RGS6: variants seen among roughly 807,000 people sequenced by gnomAD.
RGS6 encodes the protein regulator of G protein signaling 6.
In RGS6, 30 loss-of-function variants were observed where a neutral mutation model predicts 78.5. The observed-to-expected ratio is 0.38, with a 90% CI of 0.29 to 0.52. The LOEUF is 0.52. Ranked by LOEUF, RGS6 falls within the 20% of genes least tolerant of loss-of-function variation. The pLI is 0.85. For synonymous variants in RGS6, 206 were observed against 206.0 expected, an observed-to-expected ratio of 1.00 and a Z score of 0.00; for missense variants, 495 against 609.7, an observed-to-expected ratio of 0.81 and a Z score of 1.98.
chr14:71,989,509 G>T (rs1408047472), intron 2 of RGS6, among the ~76,000 whole-genome samples: 1 of 152,174 alleles, frequency 6.6e-6, no homozygotes, highest in Non-Finnish European at 1.5e-5. Context: ...TTTGTAAAAG[G>T]CCTGTGAAAA....
Position 72,465,550 on chromosome 14 carries a change from C to CTGGATGGATGGA in RGS6, c.395-168_395-157dup, listed in dbSNP as rs563552344. Among the ~76,000 whole-genome samples the CTGGATGGATGGA allele has an allele frequency of 2.2e-3, 242 of 110,356 alleles. 2 individuals are homozygous for CTGGATGGATGGA. Among genetic ancestry groups the CTGGATGGATGGA allele is most frequent in the African/African-American group, 4.3e-3 (115 of 26,616 alleles). 72.4% of individuals were successfully genotyped at this position (110,356 alleles called of 152,430 possible). A position where few individuals can be genotyped will look rare whatever the true frequency, so the allele number is the denominator to read the frequency against. ...TAGCAAGGGTGGGTGGGCGGGCTGT[C>CTGGATGGATGGA]TGGATGGATGGATGGATGGATGGAT... On this transcript the variant is annotated intron_variant, in intron 6 of 17. Transcript: ENST00000553525.
chr14:72,022,524 C>T (rs1200137146), intron 2 of RGS6: 2 of 152,166 alleles, frequency 1.3e-5, no homozygotes, highest in African/African-American at 4.8e-5. Context: ...GTTGCTATTA[C>T]AATTATGATT....
intron 2 of RGS6, among the ~76,000 whole-genome samples, chr14:72,055,278 C>T (rs999844401): frequency 5.3e-5 from 8 of 152,182 alleles, no homozygotes; most frequent in Non-Finnish European, 1.5e-5. Flanking sequence ...TATCAGTTCA[C>T]CTCTTCACCA....
At chr14:72,266,632 C>T (rs111421242) in intron 2 of RGS6, among the ~76,000 whole-genome samples, 1,705 of 152,322 alleles carry the variant, frequency 0.011, 38 homozygotes, top group African/African-American at 0.039. Flanking sequence ...AGAAAGTTTC[C>T]ATCTCTAACC....
At position 72,099,460 on chromosome 14, in the gene RGS6, A is replaced by ACAACGGTGACTTTTCAGGCCCTG. The variant is rs2095482795; in HGVS notation, c.84+134585_84+134586insCAACGGTGACTTTTCAGGCCCTG. Among the ~76,000 whole-genome samples, 5 of 152,218 alleles carry ACAACGGTGACTTTTCAGGCCCTG rather than the reference A, an allele frequency of 3.3e-5. 1 individual carries two copies. In the South Asian group the frequency reaches 1.0e-3, roughly 32 times the overall value. ...AGGCATGAGCCACCGCACCCTGCCT[A>ACAACGGTGACTTTTCAGGCCCTG]GAAGCAGCTTTAATACCAGGTCACA... On this transcript the variant is annotated intron_variant, in intron 2 of 17. Coordinates refer to ENST00000553525, the MANE Select transcript of RGS6 (RefSeq NM_001204424.2).
intron 7 of RGS6, among the ~76,000 whole-genome samples, chr14:72,469,204 G>A (rs538927184): frequency 7.3e-6 from 1 of 137,346 alleles, no homozygotes; most frequent in African/African-American, 2.7e-5. Context: ...TCCGTTTGGG[G>A]CACTTTTTTT....
chr14:72,136,796 C>T (rs1292854297), intron 2 of RGS6, among the ~76,000 whole-genome samples: 1 of 152,120 alleles, frequency 6.6e-6, no homozygotes, highest in Non-Finnish European at 1.5e-5. Flanking sequence ...GGTCTTTGAA[C>T]CTGTTTTGCT....
At chr14:71,927,447 A>C (rs1345990006), upstream of RGS6, among the ~76,000 whole-genome samples, 1 of 152,180 alleles carries the variant, frequency 6.6e-6, no homozygotes, top group Non-Finnish European at 1.5e-5. Flanking sequence ...GAGAAAAAAA[A>C]ATCCACTTCA....
the RGS6 span, among the ~76,000 whole-genome samples, chr14:71,893,609 G>C: frequency 3.9e-5 from 6 of 152,216 alleles, no homozygotes; most frequent in Non-Finnish European, 7.3e-5. Flanking sequence ...AAGGAGGGAA[G>C]GGACAGATTG....
chr14:72,155,830 G>A (rs1450325678), intron 2 of RGS6, among the ~76,000 whole-genome samples: 2 of 152,180 alleles, frequency 1.3e-5, no homozygotes, highest in Non-Finnish European at 2.9e-5. Context: ...TCTGGCTTCA[G>A]TATTCTTTTC....
chr14:72,061,802 T>C (rs765866505), intron 2 of RGS6, among the ~76,000 whole-genome samples: 7 of 152,244 alleles, frequency 4.6e-5, no homozygotes, highest in Non-Finnish European at 1.0e-4. Context: ...AGTTCTTTAT[T>C]TTTTAGTATG....
the RGS6 span, among the ~76,000 whole-genome samples, chr14:72,582,042 C>T: frequency 6.6e-6 from 1 of 152,148 alleles, no homozygotes; most frequent in African/African-American, 2.4e-5. Context: ...GGCTTTATAT[C>T]GACCTACTTT....
intron 3 of RGS6, among the ~76,000 whole-genome samples, chr14:72,385,376 G>C (rs1383319014): frequency 1.3e-5 from 2 of 152,166 alleles, no homozygotes; most frequent in African/African-American, 4.8e-5. Flanking sequence ...GACTGCTGAT[G>C]TAAAATAGTG....
intron 2 of RGS6, among the ~76,000 whole-genome samples, chr14:72,283,798 G>A (rs1047152270): frequency 2.6e-5 from 4 of 152,210 alleles, no homozygotes; most frequent in Non-Finnish European, 5.9e-5. Flanking sequence ...AACAGGGAGA[G>A]GCTGGAAGAG....
intron 2 of RGS6, among the ~76,000 whole-genome samples, chr14:72,082,417 T>G (rs905223659): frequency 6.6e-6 from 1 of 152,134 alleles, no homozygotes; most frequent in Non-Finnish European, 1.5e-5. Flanking sequence ...AAAGATTGCT[T>G]TCTTGATTTC....
intron 3 of RGS6, among the ~76,000 whole-genome samples, chr14:72,448,410 A>G (rs542160347): frequency 1.3e-5 from 2 of 151,354 alleles, no homozygotes; most frequent in Admixed American, 1.3e-4. Flanking sequence ...ACTGCCACCT[A>G]CTCATTGTGC....
intron 3 of RGS6, among the ~76,000 whole-genome samples, chr14:72,404,804 T>G (rs1332027813): frequency 1.3e-5 from 2 of 152,156 alleles, no homozygotes; most frequent in Non-Finnish European, 1.5e-5. Flanking sequence ...GGGGTCCTCC[T>G]GCATCCCGAG....
the RGS6 span, among the ~76,000 whole-genome samples, chr14:72,577,915 G>A: frequency 2.6e-5 from 4 of 152,228 alleles, no homozygotes; most frequent in African/African-American, 9.7e-5. Flanking sequence ...AGGAAGATCA[G>A]AAGTAAGACT....
chr14:72,173,909 G>A (rs1239331207), intron 2 of RGS6, among the ~76,000 whole-genome samples: 1 of 152,100 alleles, frequency 6.6e-6, no homozygotes, highest in Non-Finnish European at 1.5e-5. Flanking sequence ...GGATGCCCAG[G>A]CCACCTGTAA....
Sources: allele counts gnomAD v4.1 joint callset (sites outside exome capture counted in the v4.1 genomes callset), GRCh38; gene constraint gnomAD v4.1.1; transcripts MANE v1.5; gene names NCBI Gene and HGNC (gene_info 2026-07-23, HGNC 2026-07-21).